PTPRT: variants seen among roughly 807,000 people sequenced by gnomAD.
The protein encoded by PTPRT is protein tyrosine phosphatase receptor type T.
PTPRT carries 56 observed loss-of-function variants against 176.8 expected under a neutral mutation model. That is an observed-to-expected ratio of 0.32 (90% CI 0.26 to 0.40). The LOEUF (loss-of-function observed/expected upper bound fraction) is 0.40, where lower values mean the gene tolerates loss of function less well. Ranked by LOEUF, PTPRT falls within the 10% of genes least tolerant of loss-of-function variation. PTPRT has a pLI of 1.00. For synonymous variants in PTPRT, 783 were observed against 739.0 expected (o/e 1.06, Z -0.96); for missense variants, 1,540 against 1,908.2 (o/e 0.81, Z 3.60).
chr20:42,602,326 T>G (rs2206905), intron 7 of PTPRT, among the ~76,000 whole-genome samples: 4 of 152,120 alleles, frequency 2.6e-5, no homozygotes, highest in African/African-American at 7.2e-5. Context: ...AGCATTTCCA[T>G]TAAGACCCTC....
chr20:42,529,625 T>G (rs1438490712), intron 7 of PTPRT, among the ~76,000 whole-genome samples: 1 of 152,076 alleles, frequency 6.6e-6, no homozygotes, highest in Non-Finnish European at 1.5e-5. Context: ...TAGCTGAGAC[T>G]ACAAGCATGT....
chr20:42,304,372 T>C (rs2057514305), intron 12 of PTPRT, among the ~76,000 whole-genome samples: 1 of 152,178 alleles, frequency 6.6e-6, no homozygotes, highest in Non-Finnish European at 1.5e-5. Context: ...ACCTGTGATA[T>C]GTAATAGCAA....
At chr20:42,476,301 G>C (rs1449735667) in intron 7 of PTPRT, among the ~76,000 whole-genome samples, 1 of 152,210 alleles carries the variant, frequency 6.6e-6, no homozygotes, top group Non-Finnish European at 1.5e-5. Flanking sequence ...TGGGGGCTTG[G>C]ATAGCATAAG....
At chr20:42,230,570 G>A (rs76476605) in intron 15 of PTPRT, among the ~76,000 whole-genome samples, 2,183 of 152,270 alleles carry the variant, frequency 0.014, 46 homozygotes, top group African/African-American at 0.051. Context: ...AGAATGTGAG[G>A]AATAGTAGCT....
intron 6 of PTPRT, among the ~76,000 whole-genome samples, chr20:42,731,240 G>A (rs757678139): frequency 3.9e-5 from 6 of 152,332 alleles, no homozygotes; most frequent in East Asian, 1.9e-4. Context: ...GACGTTCAGC[G>A]CAGTCTAATT....
intron 1 of PTPRT, among the ~76,000 whole-genome samples, chr20:43,155,113 T>C (rs2014481015): frequency 6.6e-6 from 1 of 152,310 alleles, no homozygotes; most frequent in South Asian, 2.1e-4. Flanking sequence ...TGTAAATTAG[T>C]ACAGACATTA....
At chr20:42,333,489 A>G (rs138458572) in intron 11 of PTPRT, among the ~76,000 whole-genome samples, 2 of 152,060 alleles carry the variant, frequency 1.3e-5, no homozygotes, top group African/African-American at 2.4e-5. Context: ...AGGTGCCACC[A>G]TGCCCATCTA....
At chr20:43,075,697 T>C (rs192012907) in intron 1 of PTPRT, among the ~76,000 whole-genome samples, 1 of 152,234 alleles carries the variant, frequency 6.6e-6, no homozygotes, top group Non-Finnish European at 1.5e-5. Context: ...TACAGCTATG[T>C]TGTGGGCTAA....
At chr20:43,188,762 G>GGCC (rs1568834816) in intron 1 of PTPRT, among the ~76,000 whole-genome samples, 8 of 129,142 alleles carry the variant, frequency 6.2e-5, no homozygotes, top group Non-Finnish European at 6.8e-5. Flanking sequence ...GGGGGGGGGG[G>GGCC]CTCGGGGGTG....
At chr20:42,867,683 CT>C (rs5841476) in intron 2 of PTPRT, among the ~76,000 whole-genome samples, 30,772 of 112,838 alleles carry the variant, frequency 0.27, 2,592 homozygotes, top group African/African-American at 0.35. Context: ...TACATATGGC[CT>C]TTTTTTTTTT....
At position 42,760,201 on chromosome 20, in the gene PTPRT, A is replaced by G. The variant is rs181835173; in HGVS notation, c.685-3565T>C. On this transcript the variant is annotated intron_variant, in intron 5 of 30. Transcript: ENST00000373187. ...TGAGGCTTTAGCAGCCGACATGCCC[A>G]GTGCTCTAGGGTTGAGGGCACTTGC... 2.3e-3 allele frequency among the ~76,000 whole-genome samples: 357 copies of G among 152,292 alleles called. 1 individual carries two copies. Among genetic ancestry groups the G allele is most frequent in the African/African-American group, 8.3e-3 (346 of 41,568 alleles).
At chr20:42,038,683 G>T in the PTPRT span, among the ~76,000 whole-genome samples, 1 of 152,214 alleles carries the variant, frequency 6.6e-6, no homozygotes, top group African/African-American at 2.4e-5. Flanking sequence ...CTACCCTGTA[G>T]GGTGTGGTGA....
At chr20:43,156,562 C>T (rs1305623162) in intron 1 of PTPRT, among the ~76,000 whole-genome samples, 1 of 152,116 alleles carries the variant, frequency 6.6e-6, no homozygotes, top group Non-Finnish European at 1.5e-5. Context: ...CTGTGTTGGC[C>T]CATGGTTCCA....
chr20:43,007,116 A>G (rs1984894256), intron 1 of PTPRT, among the ~76,000 whole-genome samples: 1 of 152,212 alleles, frequency 6.6e-6, no homozygotes, highest in African/African-American at 2.4e-5. Context: ...GAGATCCTGA[A>G]GTCAATCAAA....
intron 1 of PTPRT, among the ~76,000 whole-genome samples, chr20:42,924,677 C>T (rs1294342431): frequency 6.6e-6 from 1 of 152,232 alleles, no homozygotes; most frequent in African/African-American, 2.4e-5. Flanking sequence ...CCGATCCGTA[C>T]ATCAATCCCC....
intron 7 of PTPRT, among the ~76,000 whole-genome samples, chr20:42,643,176 T>C (rs2074802392): frequency 6.6e-6 from 1 of 152,154 alleles, no homozygotes; most frequent in Non-Finnish European, 1.5e-5. Context: ...TGCAACCAGT[T>C]CCATTACTTC....
intron 17 of PTPRT, among the ~76,000 whole-genome samples, chr20:42,149,244 A>G (rs922423136): frequency 6.6e-6 from 1 of 152,112 alleles, no homozygotes; most frequent in African/African-American, 2.4e-5. Flanking sequence ...CTGGGATGGA[A>G]TGAGCTTTTT....
intron 2 of PTPRT, among the ~76,000 whole-genome samples, chr20:42,885,484 C>T (rs536327244): frequency 6.6e-5 from 10 of 151,732 alleles, no homozygotes; most frequent in African/African-American, 2.4e-4. Flanking sequence ...AAGCAGCGAC[C>T]GTAAATTCTT....
At chr20:42,841,758 A>G (rs541074351) in intron 2 of PTPRT, among the ~76,000 whole-genome samples, 1 of 152,362 alleles carries the variant, frequency 6.6e-6, no homozygotes, top group South Asian at 2.1e-4. Context: ...TAACTATTAC[A>G]AGAGATATAT....
Sources: gnomAD v4.1 joint callset for allele counts (sites outside exome capture counted in the v4.1 genomes callset) on GRCh38, gnomAD v4.1.1 for gene constraint, MANE v1.5 for transcripts, NCBI Gene and HGNC (gene_info 2026-07-23, HGNC 2026-07-21) for gene names.